CNBD1: variants seen among roughly 807,000 people sequenced by gnomAD.
The protein encoded by CNBD1 is cyclic nucleotide-binding domain-containing protein 1.
In CNBD1, 71 loss-of-function variants were observed where a neutral mutation model predicts 54.4. The observed-to-expected ratio is 1.30, with a 90% CI of 1.08 to 1.59. The LOEUF (loss-of-function observed/expected upper bound fraction) is 1.59, where lower values mean the gene tolerates loss of function less well. Among genes scored for constraint, CNBD1 ranks in the 40% most tolerant of loss-of-function variants. The probability of loss-of-function intolerance (pLI) is 0.00; values close to 1 mark genes in which losing one functional copy is unlikely to be tolerated. For missense variants in CNBD1, 659 were observed against 518.0 expected (o/e 1.27, Z -2.64); for synonymous variants, 182 against 170.7 (o/e 1.07, Z -0.51).
chr8:87,390,558 T>C (rs1197291960), intron 2 of CNBD1, among the ~76,000 whole-genome samples: 5 of 152,232 alleles, frequency 3.3e-5, no homozygotes, highest in Admixed American at 1.3e-4. Context: ...CTCACACCAG[T>C]TAGAATGGCG....
intron 2 of CNBD1, among the ~76,000 whole-genome samples, chr8:87,422,458 T>C (rs1045201466): frequency 1.9e-4 from 28 of 151,292 alleles, no homozygotes; most frequent in African/African-American, 6.4e-4. Flanking sequence ...GTATAAGGTG[T>C]AAGGAAGGGA....
chr8:87,399,906 AT>A (rs752165815), intron 2 of CNBD1, among the ~76,000 whole-genome samples: 18 of 151,328 alleles, frequency 1.2e-4, no homozygotes, highest in African/African-American at 4.9e-5. Flanking sequence ...TCCCAGGCAC[AT>A]TTTTTTTTCC....
At chr8:87,122,172 A>G (rs1387258542) in intron 4 of CNBD1, among the ~76,000 whole-genome samples, 4 of 151,824 alleles carry the variant, frequency 2.6e-5, no homozygotes, top group South Asian at 2.1e-4. Flanking sequence ...CTTTTAATTT[A>G]CATTCCCACC....
At chr8:87,374,919 G>A (rs1810894515) in intron 10 of CNBD1, among the ~76,000 whole-genome samples, 1 of 151,904 alleles carries the variant, frequency 6.6e-6, no homozygotes, top group African/African-American at 2.4e-5. Context: ...CAACTACCAA[G>A]TGCTACACTG....
At chr8:87,044,074 A>G (rs576079183) in intron 4 of CNBD1, among the ~76,000 whole-genome samples, 2 of 152,346 alleles carry the variant, frequency 1.3e-5, no homozygotes, top group South Asian at 4.1e-4. Flanking sequence ...AGATGGCTTT[A>G]GAAAGGACTT....
intron 7 of CNBD1, among the ~76,000 whole-genome samples, chr8:87,285,405 A>T (rs148862714): frequency 6.6e-6 from 1 of 152,124 alleles, no homozygotes; most frequent in Non-Finnish European, 1.5e-5. Flanking sequence ...CTTGACTCCT[A>T]TTTTTCCTCC....
At chr8:87,274,547 T>G (rs2130860945) in intron 6 of CNBD1, among the ~76,000 whole-genome samples, 1 of 148,486 alleles carries the variant, frequency 6.7e-6, no homozygotes, top group Non-Finnish European at 1.5e-5. Flanking sequence ...TTTCTTGTTT[T>G]TTGGCTACAT....
chr8:87,311,966 G>A (rs10098950), intron 8 of CNBD1, among the ~76,000 whole-genome samples: 58,186 of 151,488 alleles, frequency 0.38, 11,397 homozygotes, highest in Middle Eastern at 0.44. Flanking sequence ...AGAGAGGGGA[G>A]CAAGGATTGA....
intron 6 of CNBD1, among the ~76,000 whole-genome samples, chr8:87,254,337 A>G (rs914181229): frequency 3.3e-5 from 5 of 152,230 alleles, no homozygotes; most frequent in African/African-American, 1.2e-4. Context: ...TAAAGAGGCT[A>G]TTTCAGTGCT....
Position 87,325,393 on chromosome 8 carries a change from G to A in CNBD1, c.1043-26292G>A, listed in dbSNP as rs1313912673. On this transcript the variant is annotated intron_variant, in intron 8 of 10. Coordinates refer to ENST00000518476, the MANE Select transcript of CNBD1 (RefSeq NM_173538.3). ...CTGTCTCGTTGATCTGTCTAATGTT[G>A]ACAGTGGGGTGTTAAAGTCTCCCAT... 3.9e-4 allele frequency among the ~76,000 whole-genome samples: 35 copies of A among 89,000 alleles called. 4 individuals are homozygous for A. The East Asian group carries it at 7.9e-3, about 20-fold the overall frequency. The allele number at this position is 89,000 out of a possible 152,430, so 58.4% of individuals were successfully genotyped here.
intron 4 of CNBD1, among the ~76,000 whole-genome samples, chr8:87,109,447 C>T (rs1033751353): frequency 2.6e-5 from 4 of 151,830 alleles, no homozygotes; most frequent in African/African-American, 9.7e-5. Flanking sequence ...TAATTCAACT[C>T]ATCTAACTAT....
intron 2 of CNBD1, among the ~76,000 whole-genome samples, chr8:87,411,424 A>ATATATG (rs1360094708): frequency 2.8e-5 from 4 of 142,072 alleles, no homozygotes; most frequent in Non-Finnish European, 6.1e-5. Flanking sequence ...ATATATATAT[A>ATATATG]TATTTCATTC....
intron 5 of CNBD1, 127 bp downstream of exon 5, chr8:87,206,265 G>A (rs1343492273): frequency 1.4e-6 from 1 of 715,224 alleles, no homozygotes; most frequent in African/African-American, 1.9e-5. Context: ...TGTACTATTT[G>A]GGTGTGTTTC....
chr8:86,937,271 A>G (rs894258464), intron 3 of CNBD1, among the ~76,000 whole-genome samples: 3 of 152,142 alleles, frequency 2.0e-5, no homozygotes, highest in Non-Finnish European at 2.9e-5. Flanking sequence ...ACCTGCCCCC[A>G]TGATTCAGAT....
intron 2 of CNBD1, among the ~76,000 whole-genome samples, chr8:87,427,203 T>TGTCTTGTTGCCC (rs1299553205): frequency 1.4e-4 from 21 of 152,268 alleles, no homozygotes; most frequent in African/African-American, 5.1e-4. Context: ...TCTGCTACAT[T>TGTCTTGTTGCCC]ATCTTGTATG....
In CNBD1 at chr8:87,216,395, C is replaced by T. The variant is rs759289328; in HGVS notation, c.577+10257C>T. ...CACCATACATTGAATATATCATACA[C>T]GTACACTACACAACTTCAGAAATAT... On this transcript the variant is annotated intron_variant, in intron 5 of 10. Coordinates refer to ENST00000518476, the MANE Select transcript of CNBD1 (RefSeq NM_173538.3). Among the ~76,000 whole-genome samples the T allele has an allele frequency of 1.1e-4, 17 of 152,270 alleles. No individual in the cohort carries two copies. The East Asian group carries it at 1.7e-3, about 16-fold the overall frequency.
intron 6 of CNBD1, among the ~76,000 whole-genome samples, chr8:87,279,154 C>T (rs962185648): frequency 2.0e-5 from 3 of 151,404 alleles, no homozygotes; most frequent in African/African-American, 7.2e-5. Flanking sequence ...GCAATTTCTG[C>T]ATGCAAAAAC....
At chr8:87,224,189 G>A (rs974531508) in intron 5 of CNBD1, among the ~76,000 whole-genome samples, 16 of 151,774 alleles carry the variant, frequency 1.1e-4, no homozygotes, top group Admixed American at 6.6e-4. Flanking sequence ...CCATTTTGTA[G>A]GTTGCCTGTT....
chr8:87,369,102 A>C (rs1241285278), intron 10 of CNBD1, among the ~76,000 whole-genome samples: 6 of 152,028 alleles, frequency 3.9e-5, no homozygotes, highest in Non-Finnish European at 8.8e-5. Context: ...TAGTTATTTT[A>C]TTCCATATAT....
Sources: allele counts gnomAD v4.1 joint callset (sites outside exome capture counted in the v4.1 genomes callset), GRCh38; gene constraint gnomAD v4.1.1; transcripts MANE v1.5; gene names NCBI Gene and HGNC (gene_info 2026-07-23, HGNC 2026-07-21).